SGK3: variants seen among roughly 807,000 people sequenced by gnomAD.
SGK3 encodes serum/glucocorticoid regulated kinase family member 3.
Under a neutral mutation model 68.5 loss-of-function variants are expected in SGK3, and 47 were observed. The ratio of observed to expected loss-of-function variants is 0.69; its 90% CI spans 0.54 to 0.87. The LOEUF (loss-of-function observed/expected upper bound fraction) is 0.87. SGK3 is among the 40% of genes least tolerant of loss of function. The pLI is 0.00. For synonymous variants in SGK3, 181 were observed against 189.1 expected (o/e 0.96, Z 0.35); for missense variants, 479 against 575.5 (o/e 0.83, Z 1.72).
At chr8:66,727,155 G>A (rs1410209692) in intron 1 of SGK3, among the ~76,000 whole-genome samples, 3 of 152,104 alleles carry the variant, frequency 2.0e-5, no homozygotes, top group African/African-American at 7.2e-5. Flanking sequence ...AGGATGGAGT[G>A]CAGTGGTTCA....
At chr8:66,841,157 C>T in intron 13 of SGK3, 47 bp downstream of exon 13, 1 of 1,396,240 alleles carries the variant, frequency 7.2e-7, no homozygotes, top group South Asian at 1.5e-5. Flanking sequence ...GTATAAAATG[C>T]AAATATGAAT....
intron 1 of SGK3, among the ~76,000 whole-genome samples, chr8:66,758,765 C>A (rs2130453429): frequency 6.6e-6 from 1 of 152,276 alleles, no homozygotes; most frequent in South Asian, 2.1e-4. Flanking sequence ...GTCCTCCTGC[C>A]TCAGCCTCCC....
At chr8:66,823,485 C>T (rs1019067183) in intron 6 of SGK3, among the ~76,000 whole-genome samples, 1 of 150,740 alleles carries the variant, frequency 6.6e-6, no homozygotes, top group Non-Finnish European at 1.5e-5. Context: ...GCAAGCTGTG[C>T]CTCCCAGGTT....
At chr8:66,833,242 G>A (rs1809374962) in intron 8 of SGK3, among the ~76,000 whole-genome samples, 1 of 152,158 alleles carries the variant, frequency 6.6e-6, no homozygotes, top group Non-Finnish European at 1.5e-5. Context: ...CTGACCTCAA[G>A]TGATCTGCCT....
chr8:66,796,026 C>T (rs909394906), intron 2 of SGK3, among the ~76,000 whole-genome samples: 14 of 152,180 alleles, frequency 9.2e-5, no homozygotes, highest in African/African-American at 3.1e-4. Flanking sequence ...CACTACAGTG[C>T]AGTCCTCAAT....
At chr8:66,757,116 C>T (rs2130448150) in intron 1 of SGK3, among the ~76,000 whole-genome samples, 1 of 149,774 alleles carries the variant, frequency 6.7e-6, no homozygotes, top group Middle Eastern at 3.5e-3. Context: ...CCTTTCCTAA[C>T]TACTCAGGCC....
In SGK3 at chr8:66,733,959, C is replaced by T. The variant is rs191908921; in HGVS notation, c.-122+21126C>T. Among the ~76,000 whole-genome samples, 17 of 152,252 alleles carry T rather than the reference C, an allele frequency of 1.1e-4. No individual in the cohort carries two copies. The East Asian group carries it at 3.3e-3, about 29-fold the overall frequency. Reference sequence around the variant, plus strand: ...ACCAGAGAACAGTAATGCAGTTGTACTTAAATTTAGAGTTCCACACAGCCA... The same window carrying T: ...ACCAGAGAACAGTAATGCAGTTGTATTTAAATTTAGAGTTCCACACAGCCA... On this transcript the variant is annotated intron_variant, in intron 1 of 16. Transcript: ENST00000521198.
chr8:66,764,718 A>T lies in SGK3; in HGVS notation c.-121-28898A>T, dbSNP rs371213028. Among the ~76,000 whole-genome samples, 448 of 152,304 alleles carry T rather than the reference A, an allele frequency of 2.9e-3. 3 individuals are homozygous for T. Among genetic ancestry groups the T allele is most frequent in the African/African-American group, 0.01 (436 of 41,566 alleles). ...TCTCAGGCAATCCACAGCCCTTGGC[A>T]ACTACCAATCTGTTTCCCGTTTCTA... On this transcript the variant is annotated intron_variant, in intron 1 of 16. Coordinates refer to ENST00000521198, the MANE Select transcript of SGK3 (RefSeq NM_001033578.3).
At chr8:66,715,545 G>A (rs574396624) in intron 1 of SGK3, among the ~76,000 whole-genome samples, 3 of 152,324 alleles carry the variant, frequency 2.0e-5, no homozygotes, top group Non-Finnish European at 2.9e-5. Context: ...GAGCCACCGT[G>A]CCTGGCCACA....
intron 1 of SGK3, among the ~76,000 whole-genome samples, chr8:66,781,273 G>A (rs923849243): frequency 1.3e-5 from 2 of 152,204 alleles, no homozygotes; most frequent in Non-Finnish European, 2.9e-5. Flanking sequence ...TCTACCAGTC[G>A]GTTCTGGACC....
intron 1 of SGK3, chr8:66,768,136 CT>C (rs1341769757): frequency 2.6e-6 from 1 of 387,506 alleles, no homozygotes; most frequent in Non-Finnish European, 4.8e-6. Flanking sequence ...CAATGGTATA[CT>C]TCCATGTCTC....
At chr8:66,829,937 A>C (rs374517629) in intron 7 of SGK3, among the ~76,000 whole-genome samples, 18 of 150,842 alleles carry the variant, frequency 1.2e-4, no homozygotes, top group Admixed American at 7.9e-4. Flanking sequence ...CAGTGGTGCA[A>C]TCTCCACTCA....
At chr8:66,739,294 T>C (rs1270908626) in intron 1 of SGK3, among the ~76,000 whole-genome samples, 3 of 152,202 alleles carry the variant, frequency 2.0e-5, no homozygotes, top group African/African-American at 7.2e-5. Flanking sequence ...CCTTACTTTA[T>C]AACAACCTGC....
At chr8:66,847,467 G>A in intron 15 of SGK3, 119 bp downstream of exon 15, 3 of 1,420,920 alleles carry the variant, frequency 2.1e-6, no homozygotes, top group Admixed American at 2.7e-5. Context: ...TAGCAACATG[G>A]AAAAAAAGCA....
At chr8:66,783,628 C>T (rs929981509) in intron 1 of SGK3, among the ~76,000 whole-genome samples, 5 of 152,180 alleles carry the variant, frequency 3.3e-5, no homozygotes, top group Non-Finnish European at 5.9e-5. Flanking sequence ...AGCTATTCTC[C>T]CGCCTCAGCC....
At chr8:66,839,392 A>AG (rs1402365222) in intron 10 of SGK3, among the ~76,000 whole-genome samples, 1 of 148,790 alleles carries the variant, frequency 6.7e-6, no homozygotes, top group Non-Finnish European at 1.5e-5. Flanking sequence ...AAAAAAAAAA[A>AG]CTAAAACCAT....
At chr8:66,823,552 C>T (rs1808933463) in intron 6 of SGK3, among the ~76,000 whole-genome samples, 1 of 151,994 alleles carries the variant, frequency 6.6e-6, no homozygotes, top group Non-Finnish European at 1.5e-5. Flanking sequence ...TGCCTGCCAC[C>T]ACGCCCGGCT....
rs981868417 is a variant in SGK3 at position 66,729,492 on chromosome 8, A to G, written c.-122+16659A>G. On this transcript the variant is annotated intron_variant, in intron 1 of 16. Coordinates refer to ENST00000521198, the MANE Select transcript of SGK3 (RefSeq NM_001033578.3). ...AAAAGAAAAAAAAAAATCCTGTTGTATGAATATACCATATTTTGCTTATTC... is the reference window on the plus strand; with the variant it reads ...AAAAGAAAAAAAAAAATCCTGTTGTGTGAATATACCATATTTTGCTTATTC... 9.9e-5 allele frequency among the ~76,000 whole-genome samples: 15 copies of G among 152,042 alleles called. No homozygotes were observed. The East Asian group carries it at 1.7e-3, about 18-fold the overall frequency.
intron 1 of SGK3, among the ~76,000 whole-genome samples, chr8:66,747,412 T>G (rs905213006): frequency 6.6e-6 from 1 of 152,202 alleles, no homozygotes; most frequent in Non-Finnish European, 1.5e-5. Context: ...AGCCACACAG[T>G]TTTCTGAATA....
Sources: allele counts gnomAD v4.1 joint callset (sites outside exome capture counted in the v4.1 genomes callset), GRCh38; gene constraint gnomAD v4.1.1; transcripts MANE v1.5; gene names NCBI Gene and HGNC (gene_info 2026-07-23, HGNC 2026-07-21).